The following ZFAND3 variants were observed in gnomAD, a reference collection of about 807,000 sequenced individuals.
ZFAND3 encodes the protein AN1-type zinc finger protein 3.
Under a neutral mutation model 29.6 loss-of-function variants are expected in ZFAND3, and 10 were observed. The observed-to-expected ratio is 0.34, with a 90% CI of 0.21 to 0.57. The LOEUF is 0.57. Ranked by LOEUF, ZFAND3 falls within the 20% of genes least tolerant of loss-of-function variation. The pLI, the probability that ZFAND3 is intolerant of heterozygous loss-of-function variation, is 0.86. For synonymous variants in ZFAND3, 128 were observed against 112.6 expected, an observed-to-expected ratio of 1.14 and a Z score of -0.87; for missense variants, 230 against 304.5, an observed-to-expected ratio of 0.76 and a Z score of 1.82.
intron 3 of ZFAND3, among the ~76,000 whole-genome samples, chr6:38,079,007 G>A (rs1391158042): frequency 2.0e-5 from 3 of 152,132 alleles, no homozygotes; most frequent in Non-Finnish European, 4.4e-5. Flanking sequence ...TTGTTGTTGT[G>A]GACAGAAACC....
At position 38,009,184 on chromosome 6, in the gene ZFAND3, ATAGT is replaced by A. The variant is rs569522003; in HGVS notation, c.113-52406_113-52403del. 4.6e-5 allele frequency among the ~76,000 whole-genome samples: 7 copies of A among 152,328 alleles called. No individual in the cohort carries two copies. In the South Asian group the frequency reaches 1.5e-3, roughly 32 times the overall value. The stretch of plus-strand genomic sequence containing the variant: ...TTGAGTATATTAACTAATCAAATAA[ATAGT>A]TAAATAAAATTTAAAGAGAAAACTT... On this transcript the variant is annotated intron_variant, in intron 2 of 5. Coordinates refer to ENST00000287218, the MANE Select transcript of ZFAND3 (RefSeq NM_021943.3).
At chr6:37,909,092 A>C (rs1368102162) in intron 1 of ZFAND3, among the ~76,000 whole-genome samples, 1 of 152,062 alleles carries the variant, frequency 6.6e-6, no homozygotes, top group East Asian at 1.9e-4. Context: ...TTTACTTATG[A>C]ATTTGTTATG....
chr6:37,838,123 T>C (rs935376499), intron 1 of ZFAND3, among the ~76,000 whole-genome samples: 2 of 152,186 alleles, frequency 1.3e-5, no homozygotes, highest in Non-Finnish European at 2.9e-5. Flanking sequence ...GAAAGTTTGT[T>C]CTTGAACTTC....
At chr6:38,143,181 T>C (rs1765999445) in intron 5 of ZFAND3, 1 of 152,292 alleles carries the variant, frequency 6.6e-6, no homozygotes, top group African/African-American at 2.4e-5. Context: ...GAAGCCGACA[T>C]TCTCCACAGA....
intron 2 of ZFAND3, among the ~76,000 whole-genome samples, chr6:37,960,639 A>G (rs1762178131): frequency 6.6e-6 from 1 of 152,200 alleles, no homozygotes; most frequent in Admixed American, 6.5e-5. Flanking sequence ...AATAAAGGGA[A>G]GTTTAGAAAA....
chr6:38,113,719 T>C (rs1229860809), intron 4 of ZFAND3, among the ~76,000 whole-genome samples: 2 of 152,194 alleles, frequency 1.3e-5, no homozygotes, highest in Non-Finnish European at 2.9e-5. Context: ...TCTTCACATA[T>C]CTAACTCCCT....
At chr6:38,137,199 T>C (rs1378774132) in intron 5 of ZFAND3, among the ~76,000 whole-genome samples, 2 of 152,170 alleles carry the variant, frequency 1.3e-5, no homozygotes, top group Non-Finnish European at 2.9e-5. Context: ...AAGTGTAGGC[T>C]CCTATGAATA....
chr6:38,053,729 T>C (rs1764076442), intron 2 of ZFAND3, among the ~76,000 whole-genome samples: 1 of 152,142 alleles, frequency 6.6e-6, no homozygotes, highest in Non-Finnish European at 1.5e-5. Context: ...AAAGGAATCT[T>C]ATAGATGATG....
intron 2 of ZFAND3, among the ~76,000 whole-genome samples, chr6:38,005,067 T>C (rs977636015): frequency 6.6e-6 from 1 of 152,236 alleles, no homozygotes; most frequent in Non-Finnish European, 1.5e-5. Flanking sequence ...TCTTCTTCAG[T>C]GAGATAATCA....
intron 1 of ZFAND3, among the ~76,000 whole-genome samples, chr6:37,926,728 A>G (rs1198013295): frequency 6.6e-6 from 1 of 152,218 alleles, no homozygotes. Context: ...CAATAAGAGT[A>G]GTTTCACTGC....
rs139786833 is a variant in ZFAND3 at position 38,033,465 on chromosome 6, C to T, written c.113-28128C>T. ...CTTATATTTATTGCAACCTTCCCCT[C>T]GTCACCTCATTTTAAGACAGGGGTT... On this transcript the variant is annotated intron_variant, in intron 2 of 5. Transcript: ENST00000287218. 9.3e-3 allele frequency among the ~76,000 whole-genome samples: 1,420 copies of T among 152,188 alleles called. 17 individuals carry two copies. The highest frequency in any genetic ancestry group is 0.011 in the Non-Finnish European group (727 of 67,980).
intron 4 of ZFAND3, among the ~76,000 whole-genome samples, chr6:38,104,566 T>A (rs970288402): frequency 1.3e-5 from 2 of 152,126 alleles, no homozygotes; most frequent in East Asian, 1.9e-4. Flanking sequence ...TGGAATGATG[T>A]TGTACATCAG....
At chr6:37,859,947 C>T (rs1340253876) in intron 1 of ZFAND3, among the ~76,000 whole-genome samples, 3 of 148,672 alleles carry the variant, frequency 2.0e-5, no homozygotes, top group East Asian at 2.0e-4. Context: ...TCTCGGCTCA[C>T]TGCAACCACC....
chr6:38,020,132 T>C (rs145118014), intron 2 of ZFAND3, among the ~76,000 whole-genome samples: 1 of 152,242 alleles, frequency 6.6e-6, no homozygotes, highest in East Asian at 1.9e-4. Context: ...CTTTGTTACC[T>C]AACTGCTGTG....
chr6:37,931,148 C>T (rs533210421), intron 2 of ZFAND3, among the ~76,000 whole-genome samples: 55 of 152,158 alleles, frequency 3.6e-4, no homozygotes, highest in Non-Finnish European at 6.9e-4. Context: ...GAATGGCTTT[C>T]AGGTCCTTGA....
intron 1 of ZFAND3, among the ~76,000 whole-genome samples, chr6:37,844,644 T>G (rs941583749): frequency 1.3e-5 from 2 of 152,194 alleles, no homozygotes; most frequent in Non-Finnish European, 2.9e-5. Flanking sequence ...GCCTGAAAAC[T>G]GGAGCTGTGG....
At chr6:37,928,758 C>CT (rs1334341692) in intron 1 of ZFAND3, among the ~76,000 whole-genome samples, 1 of 152,094 alleles carries the variant, frequency 6.6e-6, no homozygotes, top group Non-Finnish European at 1.5e-5. Flanking sequence ...TCAGGCATTC[C>CT]GCCCACCCCT....
intron 2 of ZFAND3, among the ~76,000 whole-genome samples, chr6:38,022,540 G>T (rs956988575): frequency 2.0e-5 from 3 of 152,118 alleles, no homozygotes; most frequent in Non-Finnish European, 4.4e-5. Flanking sequence ...TGTACCACAC[G>T]CTATACAAAG....
At chr6:38,003,907 C>A in intron 2 of ZFAND3, 1 of 340,274 alleles carries the variant, frequency 2.9e-6, no homozygotes, top group Non-Finnish European at 5.9e-6. Context: ...TAACCTGCTG[C>A]CATCACCTTC....
Sources: gnomAD v4.1 joint callset for allele counts (sites outside exome capture counted in the v4.1 genomes callset) on GRCh38, gnomAD v4.1.1 for gene constraint, MANE v1.5 for transcripts, NCBI Gene and HGNC (gene_info 2026-07-23, HGNC 2026-07-21) for gene names.